FABP6: variants seen among roughly 807,000 people sequenced by gnomAD.
The protein encoded by FABP6 is fatty acid binding protein 6, also known as gastrotropin.
In FABP6, 13 loss-of-function variants were observed where a neutral mutation model predicts 14.9. The observed-to-expected ratio is 0.87, with a 90% CI of 0.57 to 1.39. FABP6 has a LOEUF of 1.39. FABP6 is among the 40% of genes most tolerant of loss of function. FABP6 has a pLI of 0.00. For synonymous variants in FABP6, 75 were observed against 63.6 expected (o/e 1.18, Z -0.85); for missense variants, 161 against 167.2 (o/e 0.96, Z 0.20).
At chr5:160,201,440 G>C (rs1759638393) in intron 2 of FABP6, among the ~76,000 whole-genome samples, 1 of 152,142 alleles carries the variant, frequency 6.6e-6, no homozygotes. Context: ...TGGGAGTGAG[G>C]TGAGGTGGGA....
At chr5:160,235,349 T>C (rs1273349061) in intron 3 of FABP6, among the ~76,000 whole-genome samples, 3 of 152,176 alleles carry the variant, frequency 2.0e-5, no homozygotes, top group African/African-American at 7.2e-5. Context: ...CTACCAGATC[T>C]TCTGATTTAT....
intron 3 of FABP6, among the ~76,000 whole-genome samples, chr5:160,222,037 A>G (rs903452371): frequency 6.6e-6 from 1 of 151,926 alleles, no homozygotes; most frequent in Non-Finnish European, 1.5e-5. Context: ...ATTGTTTGGA[A>G]GGATTATAGG....
intron 3 of FABP6, among the ~76,000 whole-genome samples, chr5:160,224,268 A>T (rs1361893768): frequency 6.6e-6 from 1 of 151,574 alleles, no homozygotes; most frequent in African/African-American, 2.4e-5. Context: ...ATTAAAAAAT[A>T]AAAAAATTAG....
intron 3 of FABP6, among the ~76,000 whole-genome samples, chr5:160,221,000 A>T (rs1451892518): frequency 6.8e-6 from 1 of 146,570 alleles, no homozygotes; most frequent in African/African-American, 2.5e-5. Context: ...AAGGCAGGAG[A>T]GTTGCTTGAA....
chr5:160,223,845 A>T (rs1760186146), intron 3 of FABP6, among the ~76,000 whole-genome samples: 1 of 151,360 alleles, frequency 6.6e-6, no homozygotes, highest in African/African-American at 2.4e-5. Flanking sequence ...TATGCCTGTA[A>T]TCCCAGCACT....
At chr5:160,223,679 G>A (rs554697050) in intron 3 of FABP6, among the ~76,000 whole-genome samples, 5 of 151,222 alleles carry the variant, frequency 3.3e-5, no homozygotes, top group Admixed American at 1.3e-4. Context: ...TTTCCGCCTC[G>A]GCCTCCTATA....
chr5:160,202,922 A>G (rs934254333), intron 2 of FABP6, among the ~76,000 whole-genome samples: 1 of 150,700 alleles, frequency 6.6e-6, no homozygotes, highest in East Asian at 2.0e-4. Context: ...TTTTTTTGAG[A>G]TGGAGTTTCA....
chr5:160,212,138 C>T (rs746959893), intron 2 of FABP6, among the ~76,000 whole-genome samples: 17 of 151,936 alleles, frequency 1.1e-4, no homozygotes, highest in Non-Finnish European at 1.5e-5. Context: ...CAGGCGCCTG[C>T]CACCACACAA....
intron 1 of FABP6, among the ~76,000 whole-genome samples, chr5:160,189,669 G>C (rs1474040938): frequency 6.6e-6 from 1 of 152,088 alleles, no homozygotes; most frequent in Non-Finnish European, 1.5e-5. Context: ...CCAGGAATTG[G>C]AGACCAGCCT....
intron 1 of FABP6, among the ~76,000 whole-genome samples, chr5:160,195,141 C>T (rs1409424480): frequency 2.6e-5 from 4 of 151,924 alleles, no homozygotes; most frequent in Non-Finnish European, 4.4e-5. Flanking sequence ...AAACATTAGC[C>T]GGGCATGGTG....
upstream of FABP6, among the ~76,000 whole-genome samples, chr5:160,227,361 C>A (rs975030874): frequency 3.9e-5 from 6 of 151,954 alleles, no homozygotes; most frequent in Non-Finnish European, 7.4e-5. Context: ...ACAGTGAAAC[C>A]TTGTCTCTAC....
In FABP6 at chr5:160,191,011, C is replaced by T. The variant is rs182670793; in HGVS notation, c.-59+3557C>T. 6.1e-3 allele frequency among the ~76,000 whole-genome samples: 913 copies of T among 150,848 alleles called. 7 individuals carry two copies. The highest frequency in any genetic ancestry group is 0.014 in the Middle Eastern group (4 of 292). On this transcript the variant is annotated intron_variant, in intron 1 of 6. Coordinates refer to the FABP6 transcript ENST00000393980. ...TCAGGAGGCAGAAGAATCGCTTGAA[C>T]CCAGGAGGCAGAGGTTGCAGTGAGC...
chr5:160,193,411 G>A (rs551870215), intron 1 of FABP6, among the ~76,000 whole-genome samples: 2 of 152,210 alleles, frequency 1.3e-5, no homozygotes, highest in African/African-American at 4.8e-5. Context: ...AAAAGAACAA[G>A]GCTTCCACAG....
At chr5:160,236,880 G>T (rs977345339) in intron 3 of FABP6, among the ~76,000 whole-genome samples, 5 of 151,936 alleles carry the variant, frequency 3.3e-5, no homozygotes, top group African/African-American at 1.2e-4. Context: ...TACTTAGGAG[G>T]CTGAGGCAGG....
chr5:160,225,241 T>G (rs939540061), upstream of FABP6, among the ~76,000 whole-genome samples: 1 of 137,310 alleles, frequency 7.3e-6, no homozygotes, highest in African/African-American at 2.8e-5. Flanking sequence ...GGACTACAGG[T>G]GCCCACCACC....
chr5:160,233,797 T>C (rs897995437), intron 2 of FABP6, among the ~76,000 whole-genome samples: 3 of 151,244 alleles, frequency 2.0e-5, no homozygotes, highest in Admixed American at 6.6e-5. Context: ...GCTTGAACCC[T>C]GGAGGCGGAG....
chr5:160,210,483 G>T (rs57796322), intron 2 of FABP6, among the ~76,000 whole-genome samples: 1 of 152,252 alleles, frequency 6.6e-6, no homozygotes, highest in East Asian at 1.9e-4. Context: ...GTGGGCAAGT[G>T]GGGTAGATCA....
At chr5:160,232,758 ATAG>A (rs1228217378) in intron 2 of FABP6, among the ~76,000 whole-genome samples, 6 of 151,908 alleles carry the variant, frequency 3.9e-5, no homozygotes, top group African/African-American at 1.4e-4. Context: ...TTAGCTGGAC[ATAG>A]TGGTGCATGC....
intron 3 of FABP6, among the ~76,000 whole-genome samples, chr5:160,237,303 T>C (rs986548650): frequency 6.6e-6 from 1 of 152,132 alleles, no homozygotes; most frequent in Non-Finnish European, 1.5e-5. Flanking sequence ...ATGGAGCCCA[T>C]GTGGTGTGGG....
Sources: gnomAD v4.1 joint callset for allele counts (sites outside exome capture counted in the v4.1 genomes callset) on GRCh38, gnomAD v4.1.1 for gene constraint, MANE v1.5 for transcripts, NCBI Gene and HGNC (gene_info 2026-07-23, HGNC 2026-07-21) for gene names.